Variants in RABIF observed in about 807,000 individuals in gnomAD.
RABIF encodes the protein guanine nucleotide exchange factor MSS4.
A neutral mutation model predicts 12.3 loss-of-function variants in RABIF; 13 were observed. The observed-to-expected ratio is 1.06, with a 90% CI of 0.69 to 1.68. The LOEUF is 1.68. RABIF is among the 40% of genes most tolerant of loss of function. RABIF has a pLI of 0.00. For synonymous variants in RABIF, 70 were observed against 63.3 expected, an observed-to-expected ratio of 1.11 and a Z score of -0.50; for missense variants, 153 against 158.0, an observed-to-expected ratio of 0.97 and a Z score of 0.17.
At chr1:202,886,079 C>G (rs1416592035) in intron 1 of RABIF, among the ~76,000 whole-genome samples, 2 of 151,550 alleles carry the variant, frequency 1.3e-5, no homozygotes, top group South Asian at 2.1e-4. Context: ...CCACTGTGTT[C>G]GTTGAGAAAC....
At chr1:202,885,964 CA>C (rs34865622) in intron 1 of RABIF, among the ~76,000 whole-genome samples, 6,309 of 132,948 alleles carry the variant, frequency 0.047, 392 homozygotes, top group African/African-American at 0.16. Flanking sequence ...AAACACAACC[CA>C]AAAAAAAAAA....
chr1:202,888,708 G>A (rs1659601424), intron 1 of RABIF, among the ~76,000 whole-genome samples: 1 of 152,168 alleles, frequency 6.6e-6, no homozygotes, highest in South Asian at 2.1e-4. Context: ...GCCCCCCCGG[G>A]GGCAGAGGGC....
At position 202,880,108 on chromosome 1, in the gene RABIF, AAAG is replaced by A. The variant is rs1659465683; in HGVS notation, c.*867_*869del. ...ATTAAAGAAGTCTTGCCTATGAACA[AAAG>A]AAGAAAGTTACTTGTCCAGATGTGG... On this transcript the variant is annotated 3_prime_UTR_variant, in exon 2 of 2. Coordinates refer to ENST00000367262, the MANE Select transcript of RABIF (RefSeq NM_002871.5). 1 of 152,208 alleles carries A rather than the reference AAAG, an allele frequency of 6.6e-6. No homozygotes were observed. The highest frequency in any genetic ancestry group is 6.5e-5 in the Admixed American group (1 of 15,272). The allele number at this position is 152,208 out of a possible 1,614,324, so 9.4% of individuals were successfully genotyped here.
At chr1:202,887,796 G>A (rs1320779965) in intron 1 of RABIF, among the ~76,000 whole-genome samples, 3 of 151,944 alleles carry the variant, frequency 2.0e-5, no homozygotes, top group Admixed American at 2.0e-4. Flanking sequence ...GAGCCACCGC[G>A]CCCAGCCTAA....
intron 1 of RABIF, among the ~76,000 whole-genome samples, chr1:202,882,600 G>A (rs181954604): frequency 7.2e-5 from 11 of 152,158 alleles, no homozygotes; most frequent in African/African-American, 2.4e-4. Context: ...TTTAGCACAT[G>A]TATACTGGTG....
At chr1:202,882,479 C>T (rs190652693) in intron 1 of RABIF, among the ~76,000 whole-genome samples, 8 of 152,172 alleles carry the variant, frequency 5.3e-5, no homozygotes, top group Non-Finnish European at 1.0e-4. Context: ...TCACTTGAGC[C>T]GGGGAGATTG....
Position 202,880,829 on chromosome 1 carries a change from C to G in RABIF, c.*149G>C. ...TGAGGCTTTAGGAAGCAGGATTAAC[C>G]CTCTGCATGTTCAAATGGACATGCT... On this transcript the variant is annotated 3_prime_UTR_variant, in exon 2 of 2. Transcript: ENST00000367262. 6.8e-7 allele frequency: 1 copy of G among 1,461,506 alleles called. No homozygotes were observed. Among genetic ancestry groups the G allele is most frequent in the Non-Finnish European group, 9.0e-7 (1 of 1,109,872 alleles). The allele number at this position is 1,461,506 out of a possible 1,614,324, so 90.5% of individuals were successfully genotyped here.
At position 202,889,129 on chromosome 1, in the gene RABIF, G is replaced by A. The variant is rs777635595; in HGVS notation, c.-31C>T. 110 of 1,587,562 alleles carry A rather than the reference G, an allele frequency of 6.9e-5. No individual in the cohort carries two copies. The highest frequency in any genetic ancestry group is 9.1e-5 in the Non-Finnish European group (106 of 1,166,912). On this transcript the variant is annotated 5_prime_UTR_variant, in exon 1 of 2. Transcript: ENST00000367262. ...CTGCCGCCACAGGCTCCTCAGCCAC[G>A]GCTGCGCAGACGCTGTCTCTGCTGG...
At chr1:202,883,101 G>A (rs751781868) in intron 1 of RABIF, among the ~76,000 whole-genome samples, 5 of 152,060 alleles carry the variant, frequency 3.3e-5, no homozygotes, top group East Asian at 3.9e-4. Context: ...CCAGACTACC[G>A]CAAAATATCA....
intron 1 of RABIF, 97 bp from the exon 2 acceptor site, chr1:202,881,320 G>T: frequency 6.1e-6 from 9 of 1,467,774 alleles, no homozygotes; most frequent in Non-Finnish European, 8.1e-6. Flanking sequence ...TCCCTAGCAG[G>T]AATGACAAAA....
At chr1:202,885,247 G>A (rs1372407498) in intron 1 of RABIF, among the ~76,000 whole-genome samples, 3 of 152,136 alleles carry the variant, frequency 2.0e-5, no homozygotes, top group African/African-American at 7.2e-5. Flanking sequence ...CTGGGGATGC[G>A]GGAGGAATCG....
chr1:202,884,195 C>G (rs966471519), intron 1 of RABIF, among the ~76,000 whole-genome samples: 2 of 152,176 alleles, frequency 1.3e-5, no homozygotes, highest in Non-Finnish European at 2.9e-5. Context: ...TGCTGATATA[C>G]TACTAACAGC....
chr1:202,889,131 C>G lies in RABIF; in HGVS notation c.-33G>C. 6.3e-7 allele frequency: 1 copy of G among 1,585,426 alleles called. No homozygotes were observed. The highest frequency in any genetic ancestry group is 8.6e-7 in the Non-Finnish European group (1 of 1,165,908). ...GCCGCCACAGGCTCCTCAGCCACGG[C>G]TGCGCAGACGCTGTCTCTGCTGGCT... On this transcript the variant is annotated 5_prime_UTR_variant, in exon 1 of 2. Coordinates refer to ENST00000367262, the MANE Select transcript of RABIF (RefSeq NM_002871.5).
intron 1 of RABIF, among the ~76,000 whole-genome samples, chr1:202,885,580 C>G (rs1481454919): frequency 1.3e-5 from 2 of 152,254 alleles, no homozygotes; most frequent in Non-Finnish European, 2.9e-5. Context: ...TACCCCGAAC[C>G]TTTACGGGGT....
chr1:202,884,607 T>TG (rs567804043), intron 1 of RABIF, among the ~76,000 whole-genome samples: 316 of 152,164 alleles, frequency 2.1e-3, no homozygotes, highest in African/African-American at 3.5e-3. Context: ...GAGACCAGGC[T>TG]GGGGGGGTCC....
In RABIF at chr1:202,880,967, C is replaced by G. The variant is rs1286818835; in HGVS notation, c.*11G>C. The G allele has an allele frequency of 6.2e-7, 1 of 1,612,454 alleles. No individual in the cohort carries two copies. The highest frequency in any genetic ancestry group is 8.5e-7 in the Non-Finnish European group (1 of 1,178,746). On this transcript the variant is annotated 3_prime_UTR_variant, in exon 2 of 2. Coordinates refer to ENST00000367262, the MANE Select transcript of RABIF (RefSeq NM_002871.5). ...ATCTTTGGAGATGGAGCTGAGTACC[C>G]CTCCCCTCAGTTACTCATGGGAAAC...
chr1:202,883,870 A>C (rs1272408486), intron 1 of RABIF, among the ~76,000 whole-genome samples: 1 of 152,166 alleles, frequency 6.6e-6, no homozygotes, highest in Non-Finnish European at 1.5e-5. Flanking sequence ...TCAGGCCCAC[A>C]AGACTATACT....
intron 1 of RABIF, among the ~76,000 whole-genome samples, chr1:202,882,984 C>T (rs988119795): frequency 1.3e-5 from 2 of 152,030 alleles, no homozygotes; most frequent in African/African-American, 4.8e-5. Context: ...ATGCTTGTAC[C>T]CTCCAACCTA....
intron 1 of RABIF, among the ~76,000 whole-genome samples, chr1:202,882,021 T>A (rs72752762): frequency 0.19 from 28,658 of 152,208 alleles, 3,240 homozygotes; most frequent in East Asian, 0.43. Flanking sequence ...GAACTGCACA[T>A]ATTTTAAATG....
Sources: gnomAD v4.1 joint callset for allele counts (sites outside exome capture counted in the v4.1 genomes callset) on GRCh38, gnomAD v4.1.1 for gene constraint, MANE v1.5 for transcripts, NCBI Gene and HGNC (gene_info 2026-07-23, HGNC 2026-07-21) for gene names.